Variants in STK3 observed in about 807,000 individuals in gnomAD.
STK3 encodes the protein serine/threonine kinase 3.
In STK3, 41 loss-of-function variants were observed where a neutral mutation model predicts 58.0. The observed-to-expected ratio is 0.71, with a 90% CI of 0.55 to 0.92. The LOEUF (loss-of-function observed/expected upper bound fraction) is 0.92. Ranked by LOEUF, STK3 falls within the 40% of genes least tolerant of loss-of-function variation. The probability of loss-of-function intolerance (pLI) is 0.00; values close to 1 mark genes in which losing one functional copy is unlikely to be tolerated. For synonymous variants in STK3, 170 were observed against 191.0 expected, an observed-to-expected ratio of 0.89 and a Z score of 0.91; for missense variants, 479 against 602.7, an observed-to-expected ratio of 0.79 and a Z score of 2.15.
At chr8:98,642,868 C>G (rs934804206) in intron 6 of STK3, among the ~76,000 whole-genome samples, 1 of 152,186 alleles carries the variant, frequency 6.6e-6, no homozygotes, top group African/African-American at 2.4e-5. Flanking sequence ...CTGTTTAAAT[C>G]TACTGCACAG....
intron 10 of STK3, among the ~76,000 whole-genome samples, chr8:98,458,066 GTTCT>G (rs1320353848): frequency 2.0e-5 from 3 of 151,976 alleles, no homozygotes; most frequent in Admixed American, 6.6e-5. Flanking sequence ...CTAAATCTTA[GTTCT>G]TTAAGTGATA....
intron 1 of STK3, among the ~76,000 whole-genome samples, chr8:98,444,914 G>C (rs1818870255): frequency 6.6e-6 from 1 of 152,092 alleles, no homozygotes; most frequent in South Asian, 2.1e-4. Context: ...ATTGAATATT[G>C]CTGTTGAATT....
rs750252961 is a variant in STK3, at chr8:98,779,874, C to CAATG, written c.27-5059_27-5056dup. Among the ~76,000 whole-genome samples the CAATG allele has an allele frequency of 8.5e-3, 1,285 of 150,916 alleles. 6 individuals carry two copies. Among genetic ancestry groups the CAATG allele is most frequent in the Middle Eastern group, 0.021 (6 of 292 alleles). Reference sequence around the variant, plus strand: ...GCACTGAGTAACCTTATATATAAGTCAATGAATGAATGAATGAATGAATGA... The same window carrying CAATG: ...GCACTGAGTAACCTTATATATAAGTCAATGAATGAATGAATGAATGAATGAATGA... On this transcript the variant is annotated intron_variant, in intron 1 of 10. Coordinates refer to ENST00000419617, the MANE Select transcript of STK3 (RefSeq NM_006281.4).
chr8:98,470,258 GTTC>G (rs551735289), intron 10 of STK3, among the ~76,000 whole-genome samples: 5 of 152,186 alleles, frequency 3.3e-5, no homozygotes, highest in Non-Finnish European at 7.3e-5. Context: ...ATTTACCTAA[GTTC>G]TTCTAGCCTA....
At chr8:98,863,410 T>A (rs770447284) in intron 3 of STK3, among the ~76,000 whole-genome samples, 2 of 152,112 alleles carry the variant, frequency 1.3e-5, no homozygotes, top group Admixed American at 1.3e-4. Flanking sequence ...TCACTTAACC[T>A]TCATGTACCT....
At chr8:98,782,557 T>C in intron 1 of STK3, 1 of 319,432 alleles carries the variant, frequency 3.1e-6, no homozygotes. Context: ...GCAAGTACCA[T>C]GAAGAGCGCC....
chr8:98,787,753 G>A (rs562532895), intron 1 of STK3, among the ~76,000 whole-genome samples: 2 of 152,286 alleles, frequency 1.3e-5, no homozygotes, highest in Non-Finnish European at 2.9e-5. Flanking sequence ...AACTTTACAA[G>A]CTAGAAGGGA....
intron 4 of STK3, among the ~76,000 whole-genome samples, chr8:98,718,260 C>T (rs752386642): frequency 6.6e-6 from 1 of 152,006 alleles, no homozygotes; most frequent in Non-Finnish European, 1.5e-5. Flanking sequence ...GGGGGAAATG[C>T]CTTGATTCAA....
chr8:98,908,792 G>A (rs1031653053), intron 1 of STK3, among the ~76,000 whole-genome samples: 3 of 144,744 alleles, frequency 2.1e-5, no homozygotes, highest in South Asian at 2.2e-4. Flanking sequence ...GCAGTGAGCC[G>A]AGATAACACC....
Position 98,427,938 on chromosome 8 carries a change from G to A in STK3, n.483+6189C>T, listed in dbSNP as rs777067351. The stretch of plus-strand genomic sequence containing the variant: ...CCGACGCTGTTCCCTCCGCTTCCAG[G>A]TGTAGCGCCCCCGCGCGGCGCGGGC... On this transcript the variant is annotated intron_variant and non_coding_transcript_variant, in intron 3 of 3. Coordinates refer to the STK3 transcript ENST00000517832. 4 of 1,447,216 alleles carry A rather than the reference G, an allele frequency of 2.8e-6. No individual in the cohort carries two copies. The African/African-American group carries it at 5.7e-5, about 21-fold the overall frequency. 89.6% of individuals were successfully genotyped at this position (1,447,216 alleles called of 1,614,324 possible).
chr8:98,568,063 T>TGATGGATA (rs373444890), intron 8 of STK3, among the ~76,000 whole-genome samples: 188 of 146,580 alleles, frequency 1.3e-3, no homozygotes, highest in African/African-American at 4.6e-3. Context: ...CTTAGATAGA[T>TGATGGATA]GATAGATAGA....
At chr8:98,932,841 G>C (rs779257077) in intron 1 of STK3, among the ~76,000 whole-genome samples, 1 of 152,256 alleles carries the variant, frequency 6.6e-6, no homozygotes, top group East Asian at 1.9e-4. Flanking sequence ...TACTCTGCTG[G>C]AATCAAGTCA....
chr8:98,643,332 T>A (rs1364647400), intron 6 of STK3, among the ~76,000 whole-genome samples: 1 of 152,212 alleles, frequency 6.6e-6, no homozygotes, highest in Non-Finnish European at 1.5e-5. Context: ...ATTAATGTCC[T>A]TCTGGCTCAC....
At chr8:98,735,645 G>A in intron 4 of STK3, among the ~76,000 whole-genome samples, 1 of 152,212 alleles carries the variant, frequency 6.6e-6, no homozygotes, top group Admixed American at 6.5e-5. Context: ...GAATACAGGA[G>A]TTTTACCTTT....
At chr8:98,747,338 A>C (rs1218292272) in intron 4 of STK3, among the ~76,000 whole-genome samples, 1 of 152,138 alleles carries the variant, frequency 6.6e-6, no homozygotes, top group Non-Finnish European at 1.5e-5. Flanking sequence ...AAAACAACAG[A>C]CCATACAAGC....
intron 6 of STK3, among the ~76,000 whole-genome samples, chr8:98,684,578 A>G (rs1823856141): frequency 6.6e-6 from 1 of 152,174 alleles, no homozygotes; most frequent in African/African-American, 2.4e-5. Context: ...TTTTACATGT[A>G]TTGTTCATAT....
chr8:98,451,571 G>A (rs1018893207), downstream of STK3, among the ~76,000 whole-genome samples: 1 of 152,192 alleles, frequency 6.6e-6, no homozygotes, highest in Non-Finnish European at 1.5e-5. Context: ...GACTAATGAT[G>A]TGGTCCAGTG....
chr8:98,662,021 A>C (rs1043172295), intron 6 of STK3, among the ~76,000 whole-genome samples: 2 of 152,140 alleles, frequency 1.3e-5, no homozygotes, highest in Non-Finnish European at 2.9e-5. Context: ...CTTAAGCATA[A>C]AGATTGTTTC....
chr8:98,393,694 CT>C (rs1740030031), intron 3 of STK3: 2 of 151,800 alleles, frequency 1.3e-5, no homozygotes, highest in Admixed American at 1.3e-4. Context: ...GATAAGAGAC[CT>C]TTATATCCTC....
Sources: allele counts gnomAD v4.1 joint callset (sites outside exome capture counted in the v4.1 genomes callset), GRCh38; gene constraint gnomAD v4.1.1; transcripts MANE v1.5; gene names NCBI Gene and HGNC (gene_info 2026-07-23, HGNC 2026-07-21).